Variants in TMPRSS15 observed in about 807,000 individuals in gnomAD.
TMPRSS15 encodes transmembrane serine protease 15, also known as enteropeptidase.
In TMPRSS15, 128 loss-of-function variants were observed where a neutral mutation model predicts 125.3. That is an observed-to-expected ratio of 1.02 (90% confidence interval 0.89 to 1.18). The LOEUF (loss-of-function observed/expected upper bound fraction) is 1.18, where lower values mean the gene tolerates loss of function less well. TMPRSS15 is among the 50% of genes most tolerant of loss of function. TMPRSS15 has a pLI of 0.00. For missense variants in TMPRSS15, 1,283 were observed against 1,212.7 expected, an observed-to-expected ratio of 1.06 and a Z score of -0.86; for synonymous variants, 446 against 423.2, an observed-to-expected ratio of 1.05 and a Z score of -0.66.
Position 18,398,217 on chromosome 21 carries a change from AG to A in TMPRSS15, c.257del (p.Ala86ValfsTer7). 6.2e-7 allele frequency: 1 copy of A among 1,613,936 alleles called. No homozygotes were observed. Among genetic ancestry groups the A allele is most frequent in the Non-Finnish European group, 8.5e-7 (1 of 1,179,814 alleles). The part of the protein sequence containing the change: ...DKLSVDFKVL[A>X]FDLQQMIDEI... Reference sequence around the variant, plus strand: ...CTCCTACCATTTGCTGAAGGTCAAAAGCAAGAACTTTGAAATCCACTGAGAG... The same window carrying A: ...CTCCTACCATTTGCTGAAGGTCAAAACAAGAACTTTGAAATCCACTGAGAG... On this transcript the variant is annotated frameshift_variant, in exon 2 of 25. Coordinates refer to ENST00000284885, the MANE Select transcript of TMPRSS15 (RefSeq NM_002772.3). LOFTEE classifies it high-confidence loss of function.
intron 16 of TMPRSS15, among the ~76,000 whole-genome samples, chr21:18,318,522 C>T (rs768624064): frequency 7.9e-5 from 12 of 152,196 alleles, no homozygotes; most frequent in Middle Eastern, 3.2e-3. Context: ...TTCCACCCTC[C>T]TCTGCCTTAA....
chr21:18,365,643 T>TCTTCCTTCCTTCC (rs1555904770), intron 6 of TMPRSS15, among the ~76,000 whole-genome samples: 2 of 26,776 alleles, frequency 7.5e-5, no homozygotes, highest in Non-Finnish European at 1.7e-4. Flanking sequence ...TCTCTCTCTT[T>TCTTCCTTCCTTCC]TTCCTCCCTT....
At chr21:18,294,084 A>T (rs1340808984) in intron 21 of TMPRSS15, among the ~76,000 whole-genome samples, 186 bp downstream of exon 21, 4 of 152,240 alleles carry the variant, frequency 2.6e-5, no homozygotes, top group African/African-American at 9.6e-5. Context: ...ATGCAGGATA[A>T]TTTTTTAAAA....
chr21:18,334,986 C>A (rs368208271), intron 13 of TMPRSS15, among the ~76,000 whole-genome samples: 294 of 152,164 alleles, frequency 1.9e-3, no homozygotes, highest in Non-Finnish European at 2.7e-3. Flanking sequence ...GGCATGTGAA[C>A]CAAAGAAGGA....
intron 10 of TMPRSS15, among the ~76,000 whole-genome samples, chr21:18,351,451 T>C (rs2075567655): frequency 6.6e-6 from 1 of 152,142 alleles, no homozygotes. Flanking sequence ...CAGGACCTGG[T>C]GGGAGTGATG....
At chr21:18,389,428 C>A (rs1338768753) in intron 3 of TMPRSS15, among the ~76,000 whole-genome samples, 3 of 152,216 alleles carry the variant, frequency 2.0e-5, no homozygotes, top group Admixed American at 2.0e-4. Context: ...ATTTGAGAAT[C>A]ATTATAAAAT....
chr21:18,425,279 C>A (rs987680266), intron 1 of TMPRSS15, among the ~76,000 whole-genome samples: 1 of 152,102 alleles, frequency 6.6e-6, no homozygotes, highest in Non-Finnish European at 1.5e-5. Context: ...AACCTGACTA[C>A]TATAAGGACT....
intron 1 of TMPRSS15, among the ~76,000 whole-genome samples, chr21:18,453,728 T>C (rs541918194): frequency 1.3e-5 from 2 of 152,298 alleles, no homozygotes; most frequent in African/African-American, 4.8e-5. Flanking sequence ...TTATTCACAA[T>C]GGCTAAGATA....
chr21:18,329,161 A>T lies in TMPRSS15; in HGVS notation c.1780+8T>A, dbSNP rs770489084. ...ACAACCTTTACAATATTCAGATTGC[A>T]GACTTACCTAAGAGCAAGGAATCAG... On this transcript the variant is annotated splice_region_variant and intron_variant, in intron 15 of 24. Transcript: ENST00000284885. The T allele has an allele frequency of 2.5e-6, 4 of 1,612,134 alleles. No individual in the cohort carries two copies. Among genetic ancestry groups the T allele is most frequent in the Non-Finnish European group, 3.4e-6 (4 of 1,178,740 alleles).
At chr21:18,322,625 CAGA>C (rs2075250742) in intron 16 of TMPRSS15, among the ~76,000 whole-genome samples, 1 of 152,132 alleles carries the variant, frequency 6.6e-6, no homozygotes, top group South Asian at 2.1e-4. Context: ...TTGCCAGGCA[CAGA>C]AGGACAAATG....
Position 18,379,289 on chromosome 21 carries a change from T to A in TMPRSS15, c.526A>T (p.Thr176Ser). The A allele has an allele frequency of 2.3e-6, 3 of 1,330,040 alleles. No individual in the cohort carries two copies. Among genetic ancestry groups the A allele is most frequent in the Non-Finnish European group, 3.0e-6 (3 of 1,013,820 alleles). 82.4% of individuals were successfully genotyped at this position (1,330,040 alleles called of 1,614,324 possible). A position where few individuals can be genotyped will look rare whatever the true frequency, so the allele number is the denominator to read the frequency against. The change falls in exon 5 of 25, where the codon ACT becomes TCT. Residue 176 changes from threonine (T) to serine (S), a missense_variant. Thr to Ser is a moderately conservative substitution (Grantham distance 58). Transcript: ENST00000284885. ...DKLTTTSHLATPGNVSIECLP... is the reference protein window; with the variant it reads ...DKLTTTSHLASPGNVSIECLP... ...TAATATTATTAAAACTGACCTGGAG[T>A]TGCCAGATGACTGGTGGTTGTTAGC...
Position 18,444,525 on chromosome 21 carries a change from C to T in TMPRSS15, c.10+41274G>A, listed in dbSNP as rs192411586. Among the ~76,000 whole-genome samples, 103 of 152,122 alleles carry T rather than the reference C, an allele frequency of 6.8e-4. 1 individual carries two copies. In the East Asian group the frequency reaches 0.017, roughly 26 times the overall value. On this transcript the variant is annotated intron_variant, in intron 1 of 7. Transcript: ENST00000422787. Reference sequence around the variant, plus strand: ...GGGAGGGATAGCATTAAGAGAAATTCCTAATGTAGATGACGGGTTGATGGG... The same window carrying T: ...GGGAGGGATAGCATTAAGAGAAATTTCTAATGTAGATGACGGGTTGATGGG...
intron 19 of TMPRSS15, among the ~76,000 whole-genome samples, chr21:18,296,956 T>C (rs1298355239): frequency 6.6e-6 from 1 of 152,240 alleles, no homozygotes; most frequent in Non-Finnish European, 1.5e-5. Context: ...AATTATCTAA[T>C]TTCATTTTTT....
chr21:18,369,991 A>AG (rs1160259072), intron 6 of TMPRSS15, among the ~76,000 whole-genome samples: 2 of 146,198 alleles, frequency 1.4e-5, no homozygotes, highest in Non-Finnish European at 3.0e-5. Flanking sequence ...AAAAAAAAGA[A>AG]AATCAAGAAA....
At chr21:18,466,869 G>C (rs1321442936) in intron 1 of TMPRSS15, among the ~76,000 whole-genome samples, 3 of 152,168 alleles carry the variant, frequency 2.0e-5, no homozygotes, top group Non-Finnish European at 4.4e-5. Flanking sequence ...CTAGGATCTA[G>C]AACCAGAAAT....
rs751539720 is a variant in TMPRSS15, at chr21:18,281,227, A to AATT, written c.2487-9_2487-7dup. On this transcript the variant is annotated splice_region_variant and splice_polypyrimidine_tract_variant and intron_variant, in intron 21 of 24. Coordinates refer to ENST00000284885, the MANE Select transcript of TMPRSS15 (RefSeq NM_002772.3). Reference sequence around the variant, plus strand: ...TGGATGGCTCTAAGTTTCTCCTGAAAATTGTAATGAAGAAATATGAGACAC... The same window carrying AATT: ...TGGATGGCTCTAAGTTTCTCCTGAAAATTATTGTAATGAAGAAATATGAGACAC... 58 of 1,613,550 alleles carry AATT rather than the reference A, an allele frequency of 3.6e-5. No individual in the cohort carries two copies. In the African/African-American group the frequency reaches 7.2e-4, roughly 20 times the overall value.
Position 18,294,361 on chromosome 21 carries a change from C to T in TMPRSS15, c.2395G>A (p.Val799Ile), listed in dbSNP as rs368655507. The T allele has an allele frequency of 5.5e-5, 88 of 1,614,122 alleles. No individual in the cohort carries two copies. Among genetic ancestry groups the T allele is most frequent in the Non-Finnish European group, 7.0e-5 (83 of 1,180,048 alleles). The change falls in exon 21 of 25, where the codon GTT becomes ATT. Residue 799 changes from valine (V) to isoleucine (I), a missense_variant. Transcript: ENST00000284885. ...CGGCCGCCATAATACAGACCCACAA[C>T]CCAGGGCCAGGCCCCTTCTTTGGCA... is the stretch of plus-strand genomic sequence containing the variant. ...SNAKEGAWPW[V>I]VGLYYGGRLL...
At chr21:18,397,791 T>A in intron 3 of TMPRSS15, 88 bp downstream of exon 3, 1 of 688,292 alleles carries the variant, frequency 1.5e-6, no homozygotes. Flanking sequence ...ATATTCCTCT[T>A]TTCCTATATA....
intron 14 of TMPRSS15, among the ~76,000 whole-genome samples, chr21:18,331,151 G>T (rs1165064586): frequency 2.0e-5 from 3 of 151,152 alleles, no homozygotes; most frequent in Non-Finnish European, 4.4e-5. Context: ...AATTAGATTA[G>T]TTGCTGTTTA....
Sources: gnomAD v4.1 joint callset for allele counts (sites outside exome capture counted in the v4.1 genomes callset) on GRCh38, gnomAD v4.1.1 for gene constraint, MANE v1.5 for transcripts, NCBI Gene and HGNC (gene_info 2026-07-23, HGNC 2026-07-21) for gene names.